The following DMRT2 variants were observed in gnomAD, a reference collection of about 807,000 sequenced individuals.
DMRT2 encodes doublesex- and mab-3-related transcription factor 2.
In DMRT2, 33 loss-of-function variants were observed where a neutral mutation model predicts 43.5. The observed-to-expected ratio is 0.76, with a 90% confidence interval of 0.58 to 1.01. The LOEUF (loss-of-function observed/expected upper bound fraction) is 1.01. Ranked by LOEUF, DMRT2 falls within the 50% of genes least tolerant of loss-of-function variation. DMRT2 has a pLI of 0.00. For synonymous variants in DMRT2, 395 were observed against 309.2 expected, an observed-to-expected ratio of 1.28 and a Z score of -2.91; for missense variants, 1,064 against 748.0, an observed-to-expected ratio of 1.42 and a Z score of -4.93.
chr9:1,056,768 T>A lies in DMRT2; in HGVS notation c.1181T>A (p.Met394Lys). 2 of 1,614,082 alleles carry A rather than the reference T, an allele frequency of 1.2e-6. No homozygotes were observed. Among genetic ancestry groups the A allele is most frequent in the Non-Finnish European group, 1.7e-6 (2 of 1,180,020 alleles). Reference protein sequence around the residue: ...QDGLSAEQDMMPSKLEGSLVL... With the variant: ...QDGLSAEQDMKPSKLEGSLVL... ...GGACTCAGTGCAGAGCAGGACATGA[T>A]GCCATCGAAATTGGAAGGTTCCCTG... Residue 394 changes from methionine (M) to lysine (K), a missense_variant, in exon 4 of 4, where the codon ATG becomes AAG. By Grantham distance (95) the Met-to-Lys change is moderately conservative. Transcript: ENST00000358146.
chr9:1,056,403 C>T lies in DMRT2; in HGVS notation c.816C>T (p.Asn272=). 1.2e-6 allele frequency: 2 copies of T among 1,614,182 alleles called. No individual in the cohort carries two copies. The highest frequency in any genetic ancestry group is 1.1e-5 in the South Asian group (1 of 91,068). Residue 272 remains asparagine (N), a synonymous_variant, in exon 4 of 4, where the codon AAC becomes AAT. Coordinates refer to ENST00000358146, the MANE Select transcript of DMRT2 (RefSeq NM_181872.6). ...TSQAAALFLP[N]RMVPGPDYNS... is the part of the protein sequence containing the mutation. ...AAGCTGCTGCTCTGTTTCTGCCCAA[C>T]CGCATGGTGCCTGGACCTGACTACA...
Position 1,051,106 on chromosome 9 carries a change from G to C in DMRT2, c.-45+331G>C, listed in dbSNP as rs1821539010. Among the ~76,000 whole-genome samples, 6 of 152,312 alleles carry C rather than the reference G, an allele frequency of 3.9e-5. No homozygotes were observed. The South Asian group carries it at 1.0e-3, about 26-fold the overall frequency. ...TGATGAGAGGCATTTGGGAAGCATA[G>C]AGTGGTACTTCAGTGAGTCTGAAGG... is the stretch of plus-strand genomic sequence containing the variant. On this transcript the variant is annotated intron_variant, in intron 1 of 3. Coordinates refer to ENST00000358146, the MANE Select transcript of DMRT2 (RefSeq NM_181872.6). This position sits in a 1 kb window ranked among gnomAD's most constrained non-coding sequence, Gnocchi z 5.9.
Position 1,051,640 on chromosome 9 carries a change from G to T in DMRT2, c.27G>T (p.Ala9=). Residue 9 remains alanine, a synonymous_variant, in exon 2 of 4, where the codon GCG becomes GCT. Coordinates refer to ENST00000358146, the MANE Select transcript of DMRT2 (RefSeq NM_181872.6). The surrounding 1 kb of genome is among the most constrained non-coding windows in gnomAD (Gnocchi z 5.9). The part of the protein sequence containing the change: MADPQAGS[A]AGDWEIDVES... ...TGGCCGACCCGCAGGCTGGCTCCGC[G>T]GCCGGGGACTGGGAGATCGATGTCG... 2 of 1,565,372 alleles carry T rather than the reference G, an allele frequency of 1.3e-6. No homozygotes were observed. Among genetic ancestry groups the T allele is most frequent in the South Asian group, 2.3e-5 (2 of 87,220 alleles).
chr9:1,051,785 G>A lies in DMRT2; in HGVS notation c.172G>A (p.Asp58Asn). ...CGAAGATGACGACGGGGTGGACGAA[G>A]ACGCGGAAGAAGAGGGCGACGGCGA... ...DDEDDDGVDEDAEEEGDGEEA... is the reference protein window; with the variant it reads ...DDEDDDGVDENAEEEGDGEEA... Residue 58 changes from aspartate (D) to asparagine (N), a missense_variant, in exon 2 of 4, where the codon GAC (aspartate) becomes AAC (asparagine). Asp to Asn is a conservative substitution (Grantham distance 23, BLOSUM62 1). Transcript: ENST00000358146. This position sits in a 1 kb window ranked among gnomAD's most constrained non-coding sequence, Gnocchi z 5.9. The A allele has an allele frequency of 6.6e-7, 1 of 1,513,652 alleles. No homozygotes were observed. The highest frequency in any genetic ancestry group is 8.8e-7 in the Non-Finnish European group (1 of 1,133,976). 93.8% of individuals were successfully genotyped at this position (1,513,652 alleles called of 1,614,324 possible).
intron 3 of DMRT2, 47 bp downstream of exon 3, chr9:1,053,871 A>G: frequency 6.8e-7 from 1 of 1,470,394 alleles, no homozygotes; most frequent in Non-Finnish European, 9.5e-7. Flanking sequence ...GAGTTGAGTG[A>G]CTCTCATTAA....
Position 1,056,221 on chromosome 9 carries a change from C to A in DMRT2, c.634C>A (p.Arg212Ser), listed in dbSNP as rs771880057. 3 of 1,604,006 alleles carry A rather than the reference C, an allele frequency of 1.9e-6. No individual in the cohort carries two copies. Among genetic ancestry groups the A allele is most frequent in the Non-Finnish European group, 2.5e-6 (3 of 1,176,602 alleles). ...GCAATCTTTGCTTCTTGTAGGCTAT[C>A]GCCCCATTCCAGCGGAGACTTATGT... Reference protein sequence around the residue: ...LLAKSILEGYRPIPAETYVGG... With the variant: ...LLAKSILEGYSPIPAETYVGG... Residue 212 changes from arginine (R) to serine (S), a missense_variant, in exon 4 of 4, where the codon CGC becomes AGC. Transcript: ENST00000358146.
Position 1,057,016 on chromosome 9 carries a change from C to G in DMRT2, c.1429C>G (p.Gln477Glu), listed in dbSNP as rs1368017491. 3.7e-6 allele frequency: 6 copies of G among 1,614,228 alleles called. No individual in the cohort carries two copies. The highest frequency in any genetic ancestry group is 5.1e-6 in the Non-Finnish European group (6 of 1,180,044). ...RHNPFHSLFQ[Q>E]TLTDKSGPEL... ...TAATCCATTCCACTCATTATTCCAGCAAACACTTACTGACAAATCGGGTCC... is the reference window on the plus strand; with the variant it reads ...TAATCCATTCCACTCATTATTCCAGGAAACACTTACTGACAAATCGGGTCC... The change falls in exon 4 of 4, where the codon CAA becomes GAA. Residue 477 changes from glutamine (Q) to glutamate (E), a missense_variant. Transcript: ENST00000358146.
In DMRT2 at chr9:1,057,334, A is replaced by C. The variant is rs1822078685; in HGVS notation, c.*61A>C. 1.3e-6 allele frequency: 2 copies of C among 1,488,620 alleles called. No homozygotes were observed. The highest frequency in any genetic ancestry group is 2.8e-5 in the African/African-American group (2 of 71,324). 92.2% of individuals were successfully genotyped at this position (1,488,620 alleles called of 1,614,324 possible). ...TCTTAGAGCATTATAGCCATTTGCT[A>C]CTTTTTTTAAAAGTTAAGATGTTTG... On this transcript the variant is annotated 3_prime_UTR_variant, in exon 4 of 4. Coordinates refer to ENST00000358146, the MANE Select transcript of DMRT2 (RefSeq NM_181872.6).
rs138207989 is a variant in DMRT2 at position 1,056,871 on chromosome 9, G to A, written c.1284G>A (p.Ala428=). The change falls in exon 4 of 4, where the codon GCG becomes GCA. Residue 428 remains alanine (A), a synonymous_variant. Transcript: ENST00000358146. The part of the protein sequence containing the change: ...QGHQAVPERS[A]FSPPRRNFSP... The stretch of plus-strand genomic sequence containing the variant: ...ATCAGGCTGTCCCAGAGAGGTCCGC[G>A]TTCTCCCCACCCCGACGGAATTTCT... 20 of 1,614,018 alleles carry A rather than the reference G, an allele frequency of 1.2e-5. No individual in the cohort carries two copies. Among genetic ancestry groups the A allele is most frequent in the African/African-American group, 1.2e-4 (9 of 74,906 alleles).
chr9:1,054,841 C>G (rs1041817146), intron 3 of DMRT2, among the ~76,000 whole-genome samples: 1 of 151,924 alleles, frequency 6.6e-6, no homozygotes, highest in Admixed American at 6.6e-5. Flanking sequence ...TCTTGTGTAG[C>G]TTCTGAATTT....
chr9:1,055,391 C>T (rs1024524873), intron 3 of DMRT2, among the ~76,000 whole-genome samples: 43 of 152,248 alleles, frequency 2.8e-4, no homozygotes, highest in African/African-American at 8.9e-4. Context: ...CCTATTCGTG[C>T]GATGACTTAG....
At chr9:1,054,817 G>A (rs1375160557) in intron 3 of DMRT2, among the ~76,000 whole-genome samples, 1 of 151,854 alleles carries the variant, frequency 6.6e-6, no homozygotes, top group African/African-American at 2.4e-5. Context: ...GTAGACATTT[G>A]GATTCTGTTT....
intron 2 of DMRT2, among the ~76,000 whole-genome samples, chr9:1,052,617 A>G (rs1422325615): frequency 6.6e-6 from 1 of 151,856 alleles, no homozygotes; most frequent in Non-Finnish European, 1.5e-5. Context: ...GATATCTAGA[A>G]CACTCATTTT....
rs142530282 is a variant in DMRT2 at position 1,056,383 on chromosome 9, G to T, written c.796G>T (p.Ala266Ser). 9 of 1,614,064 alleles carry T rather than the reference G, an allele frequency of 5.6e-6. No homozygotes were observed. The highest frequency in any genetic ancestry group is 5.3e-5 in the African/African-American group (4 of 74,928). Residue 266 changes from alanine (A) to serine (S), a missense_variant, in exon 4 of 4, where the codon GCT (alanine) becomes TCT (serine). Transcript: ENST00000358146. ...GGAGATGTTGGAAACTTCTCAAGCT[G>T]CTGCTCTGTTTCTGCCCAACCGCAT... ...EREMLETSQAAALFLPNRMVP... is the reference protein window; with the variant it reads ...EREMLETSQASALFLPNRMVP...
At chr9:1,054,300 G>T (rs1036660917) in intron 3 of DMRT2, among the ~76,000 whole-genome samples, 4 of 152,210 alleles carry the variant, frequency 2.6e-5, no homozygotes, top group Non-Finnish European at 4.4e-5. Context: ...TTTCTTAGTT[G>T]TGGGAGCTGA....
intron 3 of DMRT2, chr9:1,055,576 G>C (rs894219472): frequency 6.1e-6 from 4 of 654,672 alleles, no homozygotes; most frequent in Non-Finnish European, 6.6e-6. Context: ...AGGGGAAGGG[G>C]CCTGGTTAAA....
rs763261623 is a variant in DMRT2 at position 1,051,261 on chromosome 9, T to C, written c.-44-309T>C. On this transcript the variant is annotated intron_variant, in intron 1 of 3. Transcript: ENST00000358146. The surrounding 1 kb of genome is among the most constrained non-coding windows in gnomAD (Gnocchi z 5.9). ...CTATTTGGACACAATATTTTGTGTG[T>C]GTGTGATAAGTGAGTTACCCAGGGA... 2.6e-5 allele frequency among the ~76,000 whole-genome samples: 4 copies of C among 152,178 alleles called. No individual in the cohort carries two copies. Among genetic ancestry groups the C allele is most frequent in the Non-Finnish European group, 5.9e-5 (4 of 68,022 alleles).
rs773069864 is a variant in DMRT2, at chr9:1,057,056, C to A, written c.1469C>A (p.Pro490Gln). 1 of 1,614,118 alleles carries A rather than the reference C, an allele frequency of 6.2e-7. No individual in the cohort carries two copies. Among genetic ancestry groups the A allele is most frequent in the Non-Finnish European group, 8.5e-7 (1 of 1,180,038 alleles). Residue 490 changes from proline to glutamine, a missense_variant, in exon 4 of 4, where the codon CCA (proline) becomes CAA (glutamine). Transcript: ENST00000358146. ...TDKSGPELKT[P>Q]FVKEAFEETP... ...AAATCGGGTCCTGAGTTGAAAACAC[C>A]ATTTGTCAAAGAGGCCTTTGAAGAG...
chr9:1,052,087 G>T lies in DMRT2; in HGVS notation c.474G>T (p.Arg158=), dbSNP rs1025567006. 1.8e-5 allele frequency: 26 copies of T among 1,454,300 alleles called. No homozygotes were observed. The African/African-American group carries it at 3.3e-4, about 18-fold the overall frequency. The allele number at this position is 1,454,300 out of a possible 1,614,324, so 90.1% of individuals were successfully genotyped here. A position where few individuals can be genotyped will look rare whatever the true frequency, so the allele number is the denominator to read the frequency against. The change falls in exon 2 of 4, where the codon CGG becomes CGT. Residue 158 remains arginine, a synonymous_variant. Transcript: ENST00000358146. ...CCAACTGCCTGCTGGTGGTGGAGCGGCAGCGCGTCATGGCCGCCCAGGTGG... is the reference window on the plus strand; with the variant it reads ...CCAACTGCCTGCTGGTGGTGGAGCGTCAGCGCGTCATGGCCGCCCAGGTGG... ...QCANCLLVVE[R]QRVMAAQVAL... is the part of the protein sequence containing the mutation.
Sources: gnomAD v4.1 joint callset for allele counts (sites outside exome capture counted in the v4.1 genomes callset) on GRCh38, gnomAD v4.1.1 for gene constraint, Gnocchi (gnomAD v3.1) non-coding constraint, MANE v1.5 for transcripts, NCBI Gene and HGNC (gene_info 2026-07-23, HGNC 2026-07-21) for gene names.